The following ADAMTS10 variants were observed in gnomAD, a reference collection of about 807,000 sequenced individuals.
ADAMTS10 encodes the protein A disintegrin and metalloproteinase with thrombospondin motifs 10.
ADAMTS10 carries 48 observed loss-of-function variants against 135.9 expected under a neutral mutation model. That is an observed-to-expected ratio of 0.35 (90% CI 0.28 to 0.45). The LOEUF is 0.45. ADAMTS10 is among the 20% of genes least tolerant of loss of function. The probability of loss-of-function intolerance (pLI) is 1.00; values close to 1 mark genes in which losing one functional copy is unlikely to be tolerated. For synonymous variants in ADAMTS10, 621 were observed against 647.5 expected, an observed-to-expected ratio of 0.96 and a Z score of 0.62; for missense variants, 1,131 against 1,565.2, an observed-to-expected ratio of 0.72 and a Z score of 4.68.
chr19:8,585,689 T>C (rs781814365), intron 22 of ADAMTS10, 29 bp from the exon 23 acceptor site: 3 of 1,606,968 alleles, frequency 1.9e-6, no homozygotes, highest in Non-Finnish European at 2.6e-6. Flanking sequence ...TCTGAGCAAG[T>C]AAGCAGGGCA....
At chr19:8,603,932 A>T (rs555185324) in intron 4 of ADAMTS10, 48 bp from the exon 5 acceptor site, 1 of 1,551,882 alleles carries the variant, frequency 6.4e-7, no homozygotes, top group African/African-American at 1.4e-5. Flanking sequence ...CAGGTTCTGG[A>T]GCTTAGGACC....
Position 8,603,898 on chromosome 19 carries a change from A to G in ADAMTS10, c.436-14T>C. On this transcript the variant is annotated splice_polypyrimidine_tract_variant and intron_variant, in intron 4 of 25. Coordinates refer to ENST00000597188, the MANE Select transcript of ADAMTS10 (RefSeq NM_030957.4). ...GATCAGGCCGTGCTGGGTTTTGAGA[A>G]GTGGGATAGAAAGCTCTCAGGATCA... is the stretch of plus-strand genomic sequence containing the variant. The G allele has an allele frequency of 3.1e-6, 5 of 1,597,458 alleles. No individual in the cohort carries two copies. Among genetic ancestry groups the G allele is most frequent in the Non-Finnish European group, 4.3e-6 (5 of 1,168,576 alleles).
rs143273624 is a variant in ADAMTS10 at position 8,606,039 on chromosome 19, C to T, written c.-99-230G>A. On this transcript the variant is annotated intron_variant, in intron 2 of 25. Transcript: ENST00000597188. Reference sequence around the variant, plus strand: ...GTATCTCCTATGTGCCAGCTACTGGCCCTAGTTTTCACACCACTGCATTTC... The same window carrying T: ...GTATCTCCTATGTGCCAGCTACTGGTCCTAGTTTTCACACCACTGCATTTC... Among the ~76,000 whole-genome samples, 41 of 152,334 alleles carry T rather than the reference C, an allele frequency of 2.7e-4. No individual in the cohort carries two copies. In the East Asian group the frequency reaches 4.0e-3, roughly 15 times the overall value.
At chr19:8,590,034 G>A (rs782343145) in intron 15 of ADAMTS10, 43 bp from the exon 16 acceptor site, 22 of 1,419,236 alleles carry the variant, frequency 1.6e-5, no homozygotes, top group African/African-American at 1.4e-5. Flanking sequence ...CAGGCTTGGG[G>A]GGATGGAGTC....
At position 8,596,306 on chromosome 19, in the gene ADAMTS10, C is replaced by T. The variant is rs431825170; in HGVS notation, c.1190+1G>A. The T allele has an allele frequency of 3.1e-6, 5 of 1,612,934 alleles. No individual in the cohort carries two copies. Among genetic ancestry groups the T allele is most frequent in the Middle Eastern group, 1.6e-4 (1 of 6,062 alleles). ...CCCCCTCTTGTGTGCCCTGGCCTCA[C>T]GTGTGCCCGATCTCGTGGGCAATGG... On this transcript the variant is annotated splice_donor_variant, in intron 10 of 25. Coordinates refer to ENST00000597188, the MANE Select transcript of ADAMTS10 (RefSeq NM_030957.4). LOFTEE classifies it high-confidence loss of function. The surrounding 1 kb of genome is among the most constrained non-coding windows in gnomAD (Gnocchi z 7.2).
chr19:8,588,705 G>A (rs2042473550), intron 18 of ADAMTS10, among the ~76,000 whole-genome samples: 1 of 152,266 alleles, frequency 6.6e-6, no homozygotes, highest in Non-Finnish European at 1.5e-5. Context: ...GGCTCACAGA[G>A]GATGGAAAGT....
intron 4 of ADAMTS10, 36 bp from the exon 5 acceptor site, chr19:8,603,920 A>G: frequency 6.3e-7 from 1 of 1,578,890 alleles, no homozygotes; most frequent in Non-Finnish European, 8.6e-7. Context: ...AGCTCTCAGG[A>G]TCAGGTTCTG....
rs1555742301 is a variant in ADAMTS10 at position 8,605,226 on chromosome 19, G to C, written c.221C>G (p.Ser74Cys). 1.2e-6 allele frequency: 2 copies of C among 1,613,640 alleles called. No individual in the cohort carries two copies. Among genetic ancestry groups the C allele is most frequent in the African/African-American group, 2.7e-5 (2 of 74,934 alleles). ...QRRGTGATAE[S>C]RLFYKVASPS... ...CGAGGCCACTTTGTAGAAGAGGCGG[G>C]ACTCGGCTGTGGCCCCCGTGCCGCG... Residue 74 changes from serine (S) to cysteine (C), a missense_variant, in exon 4 of 26, where the codon TCC becomes TGC. Physicochemically the swap from Ser to Cys is moderately radical, Grantham distance 112. Around this residue, in one of 3 missense-constraint regions of ADAMTS10, gnomAD observed 306 missense variants for 344.4 expected, o/e 0.89. Transcript: ENST00000597188. This position sits in a 1 kb window ranked among gnomAD's most constrained non-coding sequence, Gnocchi z 7.7.
chr19:8,599,239 A>C (rs781951214), intron 6 of ADAMTS10, among the ~76,000 whole-genome samples: 2 of 152,098 alleles, frequency 1.3e-5, no homozygotes, highest in Non-Finnish European at 2.9e-5. Flanking sequence ...ATTTATAAGT[A>C]GGTGCTTGTG....
intron 22 of ADAMTS10, among the ~76,000 whole-genome samples, 184 bp from the exon 23 acceptor site, chr19:8,585,844 G>A (rs1482477862): frequency 6.6e-6 from 1 of 152,108 alleles, no homozygotes; most frequent in Non-Finnish European, 1.5e-5. Context: ...GGGCAGAGAG[G>A]TGCATTACCC....
rs782474432 is a variant in ADAMTS10, at chr19:8,585,255, G to C, written c.2919C>G (p.Ser973Arg). Residue 973 changes from serine (S) to arginine (R), a missense_variant, in exon 24 of 26, where the codon AGC becomes AGG. Physicochemically the swap from Ser to Arg is moderately radical, Grantham distance 110. This residue lies in a region of ADAMTS10 where 745 missense variants were observed against 1,056.3 expected (regional missense o/e 0.71). Transcript: ENST00000597188. ...GLRHRVVLCK[S>R]ADHRATLPPA... ...GGGGCAGCGTGGCGCGGTGGTCTGCGCTCTTGCAAAGGACCACGCGGTGGC... is the reference window on the plus strand; with the variant it reads ...GGGGCAGCGTGGCGCGGTGGTCTGCCCTCTTGCAAAGGACCACGCGGTGGC... 1 of 1,492,510 alleles carries C rather than the reference G, an allele frequency of 6.7e-7. No individual in the cohort carries two copies. Among genetic ancestry groups the C allele is most frequent in the Non-Finnish European group, 8.9e-7 (1 of 1,119,352 alleles). 92.5% of individuals were successfully genotyped at this position (1,492,510 alleles called of 1,614,324 possible). A position where few individuals can be genotyped will look rare whatever the true frequency, so the allele number is the denominator to read the frequency against.
At position 8,608,476 on chromosome 19, in the gene ADAMTS10, T is replaced by C. The variant is rs2042745916; in HGVS notation, c.-214-228A>G. The stretch of plus-strand genomic sequence containing the variant: ...TTCTTCCCTATTCCTTCTTTGGAAG[T>C]GTCAGCCAACTCCCAGATCAAGGCC... On this transcript the variant is annotated intron_variant, in intron 1 of 25. Transcript: ENST00000597188. 2.6e-5 allele frequency among the ~76,000 whole-genome samples: 4 copies of C among 152,236 alleles called. No homozygotes were observed. The South Asian group carries it at 8.3e-4, about 32-fold the overall frequency.
At chr19:8,587,688 T>C (rs1229816946) in intron 18 of ADAMTS10, among the ~76,000 whole-genome samples, 3 of 151,820 alleles carry the variant, frequency 2.0e-5, no homozygotes, top group Non-Finnish European at 4.4e-5. Context: ...TCCCAGCACA[T>C]TGGGAGGCTG....
chr19:8,606,746 A>T (rs2042726149), intron 2 of ADAMTS10, among the ~76,000 whole-genome samples: 1 of 152,086 alleles, frequency 6.6e-6, no homozygotes, highest in South Asian at 2.1e-4. Flanking sequence ...GGGTTCATTC[A>T]TTGGGTTATA....
chr19:8,591,766 C>G, intron 15 of ADAMTS10, 34 bp downstream of exon 15: 2 of 1,611,310 alleles, frequency 1.2e-6, no homozygotes, highest in Non-Finnish European at 1.7e-6. Flanking sequence ...AATGCTTCCT[C>G]CCCCCACCCC....
intron 2 of ADAMTS10, among the ~76,000 whole-genome samples, chr19:8,607,199 T>C (rs2042730685): frequency 6.6e-6 from 1 of 152,162 alleles, no homozygotes; most frequent in African/African-American, 2.4e-5. Flanking sequence ...TTATCTGAAA[T>C]GGGTAGCACC....
Position 8,601,240 on chromosome 19 carries a change from T to C in ADAMTS10, c.593-95A>G. 1 of 1,347,984 alleles carries C rather than the reference T, an allele frequency of 7.4e-7. No homozygotes were observed. Among genetic ancestry groups the C allele is most frequent in the Admixed American group, 1.9e-5 (1 of 51,838 alleles). 83.5% of individuals were successfully genotyped at this position (1,347,984 alleles called of 1,614,324 possible). On this transcript the variant is annotated intron_variant, in intron 5 of 25. Transcript: ENST00000597188. This position sits in a 1 kb window ranked among gnomAD's most constrained non-coding sequence, Gnocchi z 4.6. The stretch of plus-strand genomic sequence containing the variant: ...TGTCCAACCTCTGACTGGCTACCTC[T>C]CTACCCAACAGTCTGGACAGACAAT...
intron 22 of ADAMTS10, among the ~76,000 whole-genome samples, 190 bp from the exon 23 acceptor site, chr19:8,585,850 T>C (rs2042421017): frequency 6.6e-6 from 1 of 152,064 alleles, no homozygotes; most frequent in Non-Finnish European, 1.5e-5. Flanking sequence ...AGAGGTGCAT[T>C]ACCCTAAGGA....
chr19:8,592,624 G>A, intron 13 of ADAMTS10, 139 bp downstream of exon 13: 9 of 890,066 alleles, frequency 1.0e-5, no homozygotes, highest in South Asian at 9.3e-5. Context: ...CGTGGCCACA[G>A]CCGAGGGAGC....
Sources: gnomAD v4.1 joint callset for allele counts (sites outside exome capture counted in the v4.1 genomes callset) on GRCh38, gnomAD v4.1.1 for gene constraint, gnomAD v4.1.1 regional missense constraint, Gnocchi (gnomAD v3.1) non-coding constraint, MANE v1.5 for transcripts, NCBI Gene and HGNC (gene_info 2026-07-23, HGNC 2026-07-21) for gene names.